The following TSPAN11 variants were observed in gnomAD, a reference collection of about 807,000 sequenced individuals.
TSPAN11 encodes tetraspanin-11.
In TSPAN11, 29 loss-of-function variants were observed where a neutral mutation model predicts 32.9. The ratio of observed to expected loss-of-function variants is 0.88; its 90% CI spans 0.66 to 1.20. TSPAN11 has a LOEUF of 1.20. TSPAN11 is among the 50% of genes most tolerant of loss of function. The pLI is 0.00. For synonymous variants in TSPAN11, 140 were observed against 141.3 expected (o/e 0.99, Z 0.07); for missense variants, 283 against 329.1 (o/e 0.86, Z 1.08).
At chr12:31,001,712 A>G in the TSPAN11 span, among the ~76,000 whole-genome samples, 1 of 152,126 alleles carries the variant, frequency 6.6e-6, no homozygotes, top group Non-Finnish European at 1.5e-5. Flanking sequence ...TTCCCCCACC[A>G]CATCACACAA....
At chr12:30,936,476 A>G (rs1300599341) in intron 1 of TSPAN11, among the ~76,000 whole-genome samples, 1 of 152,220 alleles carries the variant, frequency 6.6e-6, no homozygotes, top group Non-Finnish European at 1.5e-5. Context: ...CAGATACATG[A>G]ACCACCAAAC....
At chr12:31,000,256 GTTCTCTGAGCTCCT>G (rs750343389), downstream of TSPAN11, among the ~76,000 whole-genome samples, 6 of 152,190 alleles carry the variant, frequency 3.9e-5, no homozygotes, top group Non-Finnish European at 8.8e-5. Flanking sequence ...GGGGAAGCTT[GTTCTCTGAGCTCCT>G]GCAGGCAGCA....
chr12:30,976,203 C>G (rs1369038109), intron 3 of TSPAN11, among the ~76,000 whole-genome samples: 1 of 152,156 alleles, frequency 6.6e-6, no homozygotes, highest in Middle Eastern at 3.2e-3. Flanking sequence ...CCGTACCCCT[C>G]ATGCTGTGGG....
intron 2 of TSPAN11, among the ~76,000 whole-genome samples, chr12:30,960,866 C>T (rs888110008): frequency 6.6e-6 from 1 of 151,702 alleles, no homozygotes; most frequent in Non-Finnish European, 1.5e-5. Context: ...TGATGAAACC[C>T]CCTTTCTACT....
In TSPAN11 at chr12:30,963,999, G is replaced by A. The variant is rs759949689; in HGVS notation, c.258G>A (p.Arg86=). Residue 86 remains arginine, a synonymous_variant, in exon 3 of 8, where the codon CGG becomes CGA. Coordinates refer to ENST00000546076, the MANE Select transcript of TSPAN11 (RefSeq NM_001370302.1). ...GCTTCGGTGCCATCCTCTGGGAGCGGAAGGGCTGCCTCTCCACGGTCAGTG... is the reference window on the plus strand; with the variant it reads ...GCTTCGGTGCCATCCTCTGGGAGCGAAAGGGCTGCCTCTCCACGGTCAGTG... ...FLGFGAILWE[R]KGCLSTYFCL... is the part of the protein sequence containing the mutation. The A allele has an allele frequency of 1.1e-5, 17 of 1,613,730 alleles. No individual in the cohort carries two copies. Among genetic ancestry groups the A allele is most frequent in the Non-Finnish European group, 1.4e-5 (17 of 1,179,988 alleles).
downstream of TSPAN11, among the ~76,000 whole-genome samples, chr12:31,000,195 T>C (rs995993851): frequency 1.3e-5 from 2 of 152,250 alleles, no homozygotes; most frequent in Non-Finnish European, 2.9e-5. Context: ...CCCTTGCTTC[T>C]GTGGAATATT....
At chr12:30,968,562 A>G (rs549600331) in intron 3 of TSPAN11, among the ~76,000 whole-genome samples, 4 of 152,372 alleles carry the variant, frequency 2.6e-5, no homozygotes, top group South Asian at 2.1e-4. Context: ...AATTCAGGCC[A>G]TCTGAGCCTA....
chr12:30,971,135 C>T (rs1351751542), intron 3 of TSPAN11, among the ~76,000 whole-genome samples: 1 of 152,150 alleles, frequency 6.6e-6, no homozygotes, highest in Non-Finnish European at 1.5e-5. Flanking sequence ...AGGCTAGTAC[C>T]TGCCTCTCAT....
rs1939353020 is a variant in TSPAN11 at position 30,993,248 on chromosome 12, C to G, written c.*1333C>G. 6.6e-6 allele frequency: 1 copy of G among 152,260 alleles called. No individual in the cohort carries two copies. Among genetic ancestry groups the G allele is most frequent in the South Asian group, 2.1e-4 (1 of 4,830 alleles). 9.4% of individuals were successfully genotyped at this position (152,260 alleles called of 1,614,324 possible). Reference sequence around the variant, plus strand: ...TACTTCCCCCCATGAAGGGGGGCACCTTGTGCTAAGGCCAAGGCTGAGCGA... The same window carrying G: ...TACTTCCCCCCATGAAGGGGGGCACGTTGTGCTAAGGCCAAGGCTGAGCGA... On this transcript the variant is annotated 3_prime_UTR_variant, in exon 8 of 8. Transcript: ENST00000546076.
At chr12:31,006,912 G>A in the TSPAN11 span, among the ~76,000 whole-genome samples, 1 of 152,140 alleles carries the variant, frequency 6.6e-6, no homozygotes, top group Non-Finnish European at 1.5e-5. Flanking sequence ...TTTCTCTGGG[G>A]GTGGGGCCCA....
chr12:30,956,126 A>G (rs1938473486), intron 2 of TSPAN11, among the ~76,000 whole-genome samples: 1 of 152,182 alleles, frequency 6.6e-6, no homozygotes, highest in African/African-American at 2.4e-5. Flanking sequence ...AATTGTCAAG[A>G]TTGGGTCCTT....
intron 1 of TSPAN11, among the ~76,000 whole-genome samples, chr12:30,933,773 G>C (rs566358212): frequency 2.0e-5 from 3 of 152,284 alleles, no homozygotes; most frequent in African/African-American, 7.2e-5. Context: ...GTGTTGTTGA[G>C]GCCCCTATGT....
chr12:31,007,983 T>C, the TSPAN11 span, among the ~76,000 whole-genome samples: 5 of 152,202 alleles, frequency 3.3e-5, no homozygotes, highest in African/African-American at 1.2e-4. Flanking sequence ...GGCAGAGGCA[T>C]CTTGGTCAAA....
At chr12:30,981,682 ATCT>A (rs1939095642) in intron 5 of TSPAN11, among the ~76,000 whole-genome samples, 1 of 152,190 alleles carries the variant, frequency 6.6e-6, no homozygotes, top group South Asian at 2.1e-4. Flanking sequence ...AGCTTCTGTC[ATCT>A]TCTACCACGC....
Position 30,976,675 on chromosome 12 carries a change from T to G in TSPAN11, c.277-1886T>G, listed in dbSNP as rs1292759512. Reference sequence around the variant, plus strand: ...AGAGGGAACATCCCCTTGTGGAATCTGCAACTCCCTCCCGCCACTTCCTGA... The same window carrying G: ...AGAGGGAACATCCCCTTGTGGAATCGGCAACTCCCTCCCGCCACTTCCTGA... On this transcript the variant is annotated intron_variant, in intron 3 of 7. Transcript: ENST00000546076. 3.3e-5 allele frequency among the ~76,000 whole-genome samples: 5 copies of G among 152,170 alleles called. No individual in the cohort carries two copies. The South Asian group carries it at 1.0e-3, about 32-fold the overall frequency.
At chr12:30,985,834 G>A (rs1280125654) in intron 7 of TSPAN11, among the ~76,000 whole-genome samples, 2 of 152,252 alleles carry the variant, frequency 1.3e-5, no homozygotes, top group Non-Finnish European at 2.9e-5. Flanking sequence ...AGGTTGTTGA[G>A]CAGTGCACCT....
the TSPAN11 span, among the ~76,000 whole-genome samples, chr12:31,008,845 T>C: frequency 6.6e-6 from 1 of 152,184 alleles, no homozygotes; most frequent in South Asian, 2.1e-4. Flanking sequence ...TTCCCACCCA[T>C]TTCCCTGAGT....
intron 5 of TSPAN11, among the ~76,000 whole-genome samples, chr12:30,980,640 C>T (rs1174848237): frequency 3.9e-5 from 6 of 151,956 alleles, no homozygotes; most frequent in Non-Finnish European, 8.8e-5. Context: ...TGAGCCCCAG[C>T]GGCGTCATGG....
chr12:30,986,375 T>A (rs1939200869), intron 7 of TSPAN11, among the ~76,000 whole-genome samples: 1 of 152,200 alleles, frequency 6.6e-6, no homozygotes, highest in South Asian at 2.1e-4. Flanking sequence ...ATTGGATATT[T>A]GTGAGCCTTT....
Sources: allele counts gnomAD v4.1 joint callset (sites outside exome capture counted in the v4.1 genomes callset), GRCh38; gene constraint gnomAD v4.1.1; transcripts MANE v1.5; gene names NCBI Gene and HGNC (gene_info 2026-07-23, HGNC 2026-07-21).